The following IL1RAPL1 variants were observed in gnomAD, a reference collection of about 807,000 sequenced individuals.
IL1RAPL1 encodes interleukin-1 receptor accessory protein-like 1.
Under a neutral mutation model 48.4 loss-of-function variants are expected in IL1RAPL1, and 3 were observed. The observed-to-expected ratio is 0.06, with a 90% CI of 0.03 to 0.16. IL1RAPL1 has a LOEUF of 0.16. Among genes scored for constraint, IL1RAPL1 ranks in the 10% least tolerant of loss-of-function variants. IL1RAPL1 has a pLI of 1.00. For missense variants in IL1RAPL1, 349 were observed against 530.6 expected, an observed-to-expected ratio of 0.66 and a Z score of 3.36; for synonymous variants, 185 against 187.7, an observed-to-expected ratio of 0.99 and a Z score of 0.12.
intron 5 of IL1RAPL1, among the ~76,000 whole-genome samples, chrX:29,573,222 A>G (rs1602304320): frequency 8.9e-6 from 1 of 112,386 alleles, no homozygotes; most frequent in South Asian, 3.7e-4. Flanking sequence ...GGCCCCACCT[A>G]TTAATACATT....
Position 29,586,432 on chromosome X carries a change from C to G in IL1RAPL1, c.704-81998C>G, listed in dbSNP as rs745414861. ...GGCTGTCTTTATGGCATTACCATAT[C>G]TTTTGAATACTGTAGATTTGTAATA... On this transcript the variant is annotated intron_variant, in intron 5 of 10. Coordinates refer to ENST00000378993, the MANE Select transcript of IL1RAPL1 (RefSeq NM_014271.4). Among the ~76,000 whole-genome samples, 17 of 111,580 alleles carry G rather than the reference C, an allele frequency of 1.5e-4. No homozygotes were observed. In the South Asian group the frequency reaches 5.2e-3, roughly 34 times the overall value.
chrX:28,959,868 T>C (rs1924721234), intron 2 of IL1RAPL1, among the ~76,000 whole-genome samples: 1 of 112,141 alleles, frequency 8.9e-6, no homozygotes, highest in Non-Finnish European at 1.9e-5. Context: ...ACCATTGCAG[T>C]CTCATTTCTT....
rs756264933 is a variant in IL1RAPL1 at position 29,178,888 on chromosome X, C to T, written c.83-104050C>T. 9.1e-3 allele frequency among the ~76,000 whole-genome samples: 1,019 copies of T among 111,639 alleles called. 8 individuals are homozygous for T. Among genetic ancestry groups the T allele is most frequent in the African/African-American group, 0.031 (964 of 30,728 alleles). On this transcript the variant is annotated intron_variant, in intron 2 of 10. Transcript: ENST00000378993. ...CATTGCTTGTTTTTGTCAGGTTTGT[C>T]AAAGATCAGATGGTTGTAGATGTGT...
At chrX:29,045,484 G>C (rs924933991) in intron 2 of IL1RAPL1, among the ~76,000 whole-genome samples, 3 of 111,368 alleles carry the variant, frequency 2.7e-5, no homozygotes, top group South Asian at 7.6e-4. Context: ...ACATTTTTTT[G>C]AGACATAATC....
intron 2 of IL1RAPL1, among the ~76,000 whole-genome samples, chrX:29,081,883 A>T (rs1233896194): frequency 1.8e-5 from 2 of 110,435 alleles, no homozygotes; most frequent in Non-Finnish European, 3.8e-5. Flanking sequence ...ACTGGCAATG[A>T]TATGGCATAA....
intron 2 of IL1RAPL1, among the ~76,000 whole-genome samples, chrX:28,863,099 C>T (rs185307377): frequency 6.1e-4 from 68 of 111,176 alleles, no homozygotes; most frequent in Non-Finnish European, 7.7e-4. Context: ...CAGGCTGTCT[C>T]GAACTCACGA....
chrX:29,935,411 G>A (rs907399032), intron 8 of IL1RAPL1, among the ~76,000 whole-genome samples: 2 of 111,040 alleles, frequency 1.8e-5, no homozygotes, highest in Non-Finnish European at 3.8e-5. Context: ...CATATTTACC[G>A]GTTGACATTC....
intron 6 of IL1RAPL1, among the ~76,000 whole-genome samples, chrX:29,803,505 G>A (rs769487631): frequency 6.6e-5 from 6 of 91,591 alleles, no homozygotes; most frequent in Non-Finnish European, 1.2e-4. Flanking sequence ...GTATACATAT[G>A]TGTATATATG....
chrX:28,864,225 A>C (rs1272330532), intron 2 of IL1RAPL1, among the ~76,000 whole-genome samples: 1 of 111,959 alleles, frequency 8.9e-6, no homozygotes, highest in Admixed American at 9.5e-5. Flanking sequence ...AATTTTAGTA[A>C]TGCACAGTCC....
chrX:29,815,352 G>T (rs895917964), intron 6 of IL1RAPL1, among the ~76,000 whole-genome samples: 1 of 111,520 alleles, frequency 9.0e-6, no homozygotes, highest in Admixed American at 9.6e-5. Flanking sequence ...TTGTAAATGG[G>T]ATTGCATTCT....
intron 2 of IL1RAPL1, among the ~76,000 whole-genome samples, chrX:29,031,055 T>C (rs1408659927): frequency 3.6e-5 from 4 of 111,745 alleles, no homozygotes; most frequent in Non-Finnish European, 7.5e-5. Context: ...TTTGAGCTCA[T>C]AGAATTTGTT....
chrX:29,803,278 TACACACATGTATATATGTATACATATAC>T (rs1158191350), intron 6 of IL1RAPL1, among the ~76,000 whole-genome samples: 2 of 35,783 alleles, frequency 5.6e-5, no homozygotes, highest in Admixed American at 4.9e-4. Flanking sequence ...TGTATACATA[TACACACATGTATATATGTATACATATAC>T]ACACATGTAT....
chrX:29,469,834 C>A (rs10521952), intron 5 of IL1RAPL1, among the ~76,000 whole-genome samples: 3,867 of 111,571 alleles, frequency 0.035, 162 homozygotes, highest in African/African-American at 0.12. Context: ...AGACTCTCTC[C>A]ACAACGTTCC....
chrX:29,191,227 A>C (rs1256772103), intron 2 of IL1RAPL1, among the ~76,000 whole-genome samples: 1 of 112,059 alleles, frequency 8.9e-6, no homozygotes, highest in Non-Finnish European at 1.9e-5. Flanking sequence ...TGAGGTAATG[A>C]TTTAATAATT....
intron 2 of IL1RAPL1, among the ~76,000 whole-genome samples, chrX:29,009,453 G>A (rs777803409): frequency 2.3e-4 from 26 of 112,397 alleles, no homozygotes; most frequent in South Asian, 7.4e-4. Flanking sequence ...TGAAAGCTAA[G>A]GGTCCAGTTT....
intron 2 of IL1RAPL1, among the ~76,000 whole-genome samples, chrX:28,893,909 G>C (rs192398233): frequency 1.1e-3 from 125 of 111,286 alleles, no homozygotes; most frequent in African/African-American, 3.9e-3. Flanking sequence ...GAGTAGGTGG[G>C]AGTGACCGAT....
At chrX:29,906,925 TAAG>T (rs1295859291) in intron 6 of IL1RAPL1, among the ~76,000 whole-genome samples, 1 of 109,803 alleles carries the variant, frequency 9.1e-6, no homozygotes, top group African/African-American at 3.3e-5. Flanking sequence ...TTAAGTAAAA[TAAG>T]AAAAAAATGT....
chrX:28,971,509 G>A (rs182828796), intron 2 of IL1RAPL1, among the ~76,000 whole-genome samples: 169 of 111,865 alleles, frequency 1.5e-3, no homozygotes, highest in Non-Finnish European at 2.8e-3. Context: ...AAGGACTGCA[G>A]GTGCTCAGGC....
At chrX:29,732,095 AT>A (rs753003837) in intron 6 of IL1RAPL1, among the ~76,000 whole-genome samples, 2 of 111,915 alleles carry the variant, frequency 1.8e-5, no homozygotes, top group Non-Finnish European at 3.8e-5. Flanking sequence ...AACATCAGAT[AT>A]TTACTATCCT....
Sources: gnomAD v4.1 joint callset for allele counts (sites outside exome capture counted in the v4.1 genomes callset) on GRCh38, gnomAD v4.1.1 for gene constraint, MANE v1.5 for transcripts, NCBI Gene and HGNC (gene_info 2026-07-23, HGNC 2026-07-21) for gene names.